Variants in CADPS2 observed in about 807,000 individuals in gnomAD.
CADPS2 encodes calcium dependent secretion activator 2.
A neutral mutation model predicts 172.5 loss-of-function variants in CADPS2; 93 were observed. The observed-to-expected ratio is 0.54, with a 90% confidence interval of 0.46 to 0.64. The LOEUF is 0.64. Among genes scored for constraint, CADPS2 ranks in the 30% least tolerant of loss-of-function variants. The probability of loss-of-function intolerance (pLI) is 0.00; values close to 1 mark genes in which losing one functional copy is unlikely to be tolerated. For synonymous variants in CADPS2, 546 were observed against 555.2 expected, an observed-to-expected ratio of 0.98 and a Z score of 0.23; for missense variants, 1,420 against 1,565.9, an observed-to-expected ratio of 0.91 and a Z score of 1.57.
intron 2 of CADPS2, among the ~76,000 whole-genome samples, chr7:122,677,097 A>G (rs1278520516): frequency 1.3e-5 from 2 of 152,238 alleles, no homozygotes. Flanking sequence ...CCAAAATGCC[A>G]GGCAATATGA....
At chr7:122,877,004 C>T (rs570835821) in intron 1 of CADPS2, among the ~76,000 whole-genome samples, 1 of 152,008 alleles carries the variant, frequency 6.6e-6, no homozygotes, top group African/African-American at 2.4e-5. Flanking sequence ...AGACCTTTCT[C>T]TTATGAACAT....
intron 25 of CADPS2, among the ~76,000 whole-genome samples, chr7:122,367,710 ATTTTTTTTTTTTTTTTT>A (rs57790964): frequency 5.0e-5 from 3 of 60,128 alleles, no homozygotes; most frequent in East Asian, 8.7e-4. Flanking sequence ...TGCCCAGCTA[ATTTTTTTTTTTTTTTTT>A]TTTTTTTTTT....
At chr7:122,544,063 C>T (rs577356421) in intron 8 of CADPS2, among the ~76,000 whole-genome samples, 7 of 152,110 alleles carry the variant, frequency 4.6e-5, no homozygotes, top group Non-Finnish European at 8.8e-5. Context: ...ACGAGCTCAG[C>T]AGTTCCACTC....
chr7:122,558,876 T>C (rs2065362697), intron 7 of CADPS2, among the ~76,000 whole-genome samples: 1 of 152,292 alleles, frequency 6.6e-6, no homozygotes, highest in Admixed American at 6.5e-5. Context: ...TGCTAAACTC[T>C]GTTTCAACAA....
intron 22 of CADPS2, 73 bp downstream of exon 22, chr7:122,393,123 A>C: frequency 6.5e-7 from 1 of 1,546,478 alleles, no homozygotes; most frequent in South Asian, 1.2e-5. Context: ...CAGTCTAAAC[A>C]CATCTGCGCA....
chr7:122,869,733 T>A (rs1222199644), intron 1 of CADPS2, among the ~76,000 whole-genome samples: 5 of 152,232 alleles, frequency 3.3e-5, no homozygotes, highest in Middle Eastern at 3.4e-3. Flanking sequence ...GTATGAAGAT[T>A]AAAAGCCAAA....
chr7:122,418,524 G>A (rs1012297075), intron 17 of CADPS2, among the ~76,000 whole-genome samples: 7 of 152,186 alleles, frequency 4.6e-5, no homozygotes, highest in African/African-American at 1.7e-4. Context: ...TTAATTTTAG[G>A]AAAATGTATT....
intron 3 of CADPS2, among the ~76,000 whole-genome samples, chr7:122,650,684 G>A (rs752711622): frequency 4.6e-5 from 7 of 152,014 alleles, no homozygotes; most frequent in Admixed American, 3.9e-4. Context: ...TAAGCCAAAG[G>A]TAAGAAACAA....
Position 122,423,712 on chromosome 7 carries a change from T to G in CADPS2, c.2477-7548A>C, listed in dbSNP as rs143951812. Among the ~76,000 whole-genome samples the G allele has an allele frequency of 7.0e-3, 1,065 of 152,294 alleles. 11 individuals are homozygous for G. The highest frequency in any genetic ancestry group is 0.024 in the African/African-American group (1,014 of 41,554). ...TCAGTATAGATCTCCATTTCTTGGC[T>G]TAAGCATGCATCAGAATCACCTGGA... On this transcript the variant is annotated intron_variant, in intron 17 of 29. Transcript: ENST00000449022.
chr7:122,565,744 A>G (rs1268071047), intron 7 of CADPS2, among the ~76,000 whole-genome samples: 1 of 152,212 alleles, frequency 6.6e-6, no homozygotes, highest in Non-Finnish European at 1.5e-5. Context: ...TACACTATAC[A>G]ACATGTTTTA....
intron 27 of CADPS2, chr7:122,354,352 C>T (rs1401772829): frequency 2.0e-5 from 3 of 152,118 alleles, no homozygotes; most frequent in Non-Finnish European, 2.9e-5. Context: ...TGCCTAAGGT[C>T]ACACTGATAA....
At chr7:122,870,773 G>C (rs80225592) in intron 1 of CADPS2, among the ~76,000 whole-genome samples, 4,471 of 152,052 alleles carry the variant, frequency 0.029, 136 homozygotes, top group African/African-American at 0.07. Context: ...GAGATTAAAA[G>C]CGCTATCTTG....
chr7:122,748,711 G>A (rs1248211046), intron 1 of CADPS2, among the ~76,000 whole-genome samples: 1 of 152,106 alleles, frequency 6.6e-6, no homozygotes, highest in African/African-American at 2.4e-5. Context: ...AGAAGGCAAG[G>A]GACTTTCAGC....
chr7:122,577,250 C>T (rs183854524), intron 7 of CADPS2, among the ~76,000 whole-genome samples: 75 of 152,154 alleles, frequency 4.9e-4, no homozygotes, highest in African/African-American at 1.7e-3. Context: ...TTCACAGCAG[C>T]GTGAGAATGG....
intron 14 of CADPS2, among the ~76,000 whole-genome samples, chr7:122,470,293 T>C (rs1223449641): frequency 6.6e-6 from 1 of 151,814 alleles, no homozygotes; most frequent in Non-Finnish European, 1.5e-5. Context: ...AAAGAGAATG[T>C]TAAGGGGCAC....
chr7:122,731,064 T>TGGTGGG (rs2091593850), intron 2 of CADPS2, among the ~76,000 whole-genome samples: 2 of 122,426 alleles, frequency 1.6e-5, no homozygotes, highest in African/African-American at 6.3e-5. Context: ...CAGCAAATGG[T>TGGTGGG]GGTGGGGGTG....
chr7:122,620,003 G>A (rs980698280), intron 5 of CADPS2, among the ~76,000 whole-genome samples: 1 of 152,042 alleles, frequency 6.6e-6, no homozygotes, highest in Non-Finnish European at 1.5e-5. Flanking sequence ...GAAAGTGAGA[G>A]GCAGATGTCC....
rs1159112244 is a variant in CADPS2 at position 122,447,543 on chromosome 7, A to ATTTTTTTTTTTTTTTTTTTTTTTTTTTT, written c.2288+3803_2288+3830dup. Reference sequence around the variant, plus strand: ...CCATGTTGATTTCTTGTTTCGGGGAATTTTTTTTTTTTTTTTTTTTTTTTT... The same window carrying ATTTTTTTTTTTTTTTTTTTTTTTTTTTT: ...CCATGTTGATTTCTTGTTTCGGGGAATTTTTTTTTTTTTTTTTTTTTTTTTTTTTTTTTTTTTTTTTTTTTTTTTTTTT... On this transcript the variant is annotated intron_variant, in intron 15 of 29. Coordinates refer to ENST00000449022, the MANE Select transcript of CADPS2 (RefSeq NM_017954.11). Among the ~76,000 whole-genome samples the ATTTTTTTTTTTTTTTTTTTTTTTTTTTT allele has an allele frequency of 7.4e-4, 66 of 89,794 alleles. 16 individuals are homozygous for ATTTTTTTTTTTTTTTTTTTTTTTTTTTT. The highest frequency in any genetic ancestry group is 1.5e-3 in the Admixed American group (10 of 6,540). The allele number at this position is 89,794 out of a possible 152,430, so 58.9% of individuals were successfully genotyped here.
intron 29 of CADPS2, among the ~76,000 whole-genome samples, chr7:122,323,876 TATATATATATATATATATATATA>T (rs2033197434): frequency 7.4e-3 from 132 of 17,776 alleles, no homozygotes; most frequent in African/African-American, 0.034. Context: ...GTATATTTTA[TATATATATATATATATATATATA>T]TATATATATA....
Sources: allele counts gnomAD v4.1 joint callset (sites outside exome capture counted in the v4.1 genomes callset), GRCh38; gene constraint gnomAD v4.1.1; transcripts MANE v1.5; gene names NCBI Gene and HGNC (gene_info 2026-07-23, HGNC 2026-07-21).